SP1: variants seen among roughly 807,000 people sequenced by gnomAD.
The protein encoded by SP1 is Sp1 transcription factor, also known as transcription factor Sp1.
A neutral mutation model predicts 66.3 loss-of-function variants in SP1; 6 were observed. The ratio of observed to expected loss-of-function variants is 0.09; its 90% CI spans 0.05 to 0.18. The LOEUF (loss-of-function observed/expected upper bound fraction) is 0.18. SP1 is among the 10% of genes least tolerant of loss of function. SP1 has a pLI of 1.00. For missense variants in SP1, 848 were observed against 964.5 expected, an observed-to-expected ratio of 0.88 and a Z score of 1.60; for synonymous variants, 417 against 360.8, an observed-to-expected ratio of 1.16 and a Z score of -1.77.
At chr12:53,404,041 G>A (rs371938112) in intron 3 of SP1, among the ~76,000 whole-genome samples, 2 of 151,808 alleles carry the variant, frequency 1.3e-5, no homozygotes, top group East Asian at 3.9e-4. Flanking sequence ...CGTGGTGACG[G>A]GCGCCTGTAG....
rs1448964363 is a variant in SP1 at position 53,415,145 on chromosome 12, T to C, written c.*3905T>C. ...GGCACTTCTCCAACCCCGGAAAACA[T>C]TGCTTTTGAAAACTGCTGATAAAAT... On this transcript the variant is annotated 3_prime_UTR_variant, in exon 6 of 6. Coordinates refer to ENST00000327443, the MANE Select transcript of SP1 (RefSeq NM_138473.3). 6.6e-6 allele frequency: 1 copy of C among 152,504 alleles called. No individual in the cohort carries two copies. Among genetic ancestry groups the C allele is most frequent in the Non-Finnish European group, 1.5e-5 (1 of 68,034 alleles). The allele number at this position is 152,504 out of a possible 1,614,324, so 9.4% of individuals were successfully genotyped here.
Position 53,382,134 on chromosome 12 carries a change from C to T in SP1, c.187C>T (p.Leu63=), listed in dbSNP as rs1391348277. 1 of 1,614,154 alleles carries T rather than the reference C, an allele frequency of 6.2e-7. No homozygotes were observed. The highest frequency in any genetic ancestry group is 8.5e-7 in the Non-Finnish European group (1 of 1,180,018). The change falls in exon 3 of 6, where the codon CTG becomes TTG. Residue 63 remains leucine (L), a synonymous_variant. Coordinates refer to ENST00000327443, the MANE Select transcript of SP1 (RefSeq NM_138473.3). ...GQESQPSPLA[L]LAATCSRIES... ...GGAGTCCCAGCCATCCCCTTTGGCT[C>T]TGCTGGCAGCAACTTGCAGCAGAAT...
chr12:53,392,846 A>G (rs1282558830), intron 3 of SP1, among the ~76,000 whole-genome samples: 1 of 149,678 alleles, frequency 6.7e-6, no homozygotes, highest in Non-Finnish European at 1.5e-5. Flanking sequence ...TTTTTTTGAG[A>G]TAAGGTCTCT....
In SP1 at chr12:53,381,706, A is replaced by G; in HGVS notation, c.55A>G (p.Lys19Glu). 1 of 1,614,024 alleles carries G rather than the reference A, an allele frequency of 6.2e-7. No homozygotes were observed. Among genetic ancestry groups the G allele is most frequent in the Non-Finnish European group, 8.5e-7 (1 of 1,179,956 alleles). Residue 19 changes from lysine to glutamate, a missense_variant, in exon 2 of 6, where the codon AAA becomes GAA. This residue lies in a region of SP1 where 84 missense variants were observed against 73.9 expected (regional missense o/e 1.14). Coordinates refer to ENST00000327443, the MANE Select transcript of SP1 (RefSeq NM_138473.3). Reference protein sequence around the residue: ...DEMTAVVKIEKGVGGNNGGNG... With the variant: ...DEMTAVVKIEEGVGGNNGGNG... ...AATGACAGCTGTGGTGAAAATTGAAAAAGGAGTTGGTGGCAATAATGGGGG... is the reference window on the plus strand; with the variant it reads ...AATGACAGCTGTGGTGAAAATTGAAGAAGGAGTTGGTGGCAATAATGGGGG...
chr12:53,384,285 C>CT (rs1938177825), intron 3 of SP1, among the ~76,000 whole-genome samples: 1 of 138,290 alleles, frequency 7.2e-6, no homozygotes, highest in African/African-American at 2.7e-5. Context: ...TCTTTTTTTT[C>CT]TTTTTTCTTT....
At chr12:53,389,662 T>TC (rs1240465308) in intron 3 of SP1, among the ~76,000 whole-genome samples, 1 of 152,106 alleles carries the variant, frequency 6.6e-6, no homozygotes, top group Non-Finnish European at 1.5e-5. Flanking sequence ...GCTTTTCCTT[T>TC]CATTTTGTAG....
At chr12:53,409,845 TAAA>T in intron 5 of SP1, among the ~76,000 whole-genome samples, 2 of 151,836 alleles carry the variant, frequency 1.3e-5, no homozygotes, top group Middle Eastern at 3.4e-3. Context: ...CCGTCTCTAC[TAAA>T]TATACAAAAA....
chr12:53,404,634 A>G (rs1938689212), intron 3 of SP1, among the ~76,000 whole-genome samples: 1 of 152,046 alleles, frequency 6.6e-6, no homozygotes, highest in Non-Finnish European at 1.5e-5. Context: ...CTGAGTCATG[A>G]TGAGAGTCTA....
At chr12:53,408,953 G>A (rs1938818502) in intron 4 of SP1, among the ~76,000 whole-genome samples, 1 of 151,982 alleles carries the variant, frequency 6.6e-6, no homozygotes, top group Non-Finnish European at 1.5e-5. Flanking sequence ...CAGTGCAGTG[G>A]CTCACGCCTG....
intron 3 of SP1, among the ~76,000 whole-genome samples, chr12:53,393,058 C>T (rs1011047907): frequency 1.3e-5 from 2 of 149,866 alleles, no homozygotes; most frequent in African/African-American, 2.5e-5. Flanking sequence ...CTCCTGACCT[C>T]GTGATCTGCC....
intron 1 of SP1, chr12:53,380,504 C>T (rs1938059889): frequency 1.4e-5 from 6 of 417,488 alleles, no homozygotes; most frequent in Non-Finnish European, 2.1e-5. Context: ...CCGCCCGCCC[C>T]GGGGGAGGGG....
At chr12:53,404,206 A>G (rs886773996) in intron 3 of SP1, among the ~76,000 whole-genome samples, 5 of 150,382 alleles carry the variant, frequency 3.3e-5, no homozygotes, top group Non-Finnish European at 5.9e-5. Flanking sequence ...TGAGAAGAAT[A>G]TTATCTGCCA....
rs775926109 is a variant in SP1 at position 53,381,704 on chromosome 12, A to T, written c.53A>T (p.Glu18Val). ...MDEMTAVVKI[E>V]KGVGGNNGGN... Reference sequence around the variant, plus strand: ...GAAATGACAGCTGTGGTGAAAATTGAAAAAGGAGTTGGTGGCAATAATGGG... The same window carrying T: ...GAAATGACAGCTGTGGTGAAAATTGTAAAAGGAGTTGGTGGCAATAATGGG... The change falls in exon 2 of 6, where the codon GAA (glutamate) becomes GTA (valine). Residue 18 changes from glutamate (E) to valine (V), a missense_variant. Around this residue, in one of 7 missense-constraint regions of SP1, gnomAD observed 84 missense variants for 73.9 expected, o/e 1.14. Transcript: ENST00000327443. The T allele has an allele frequency of 1.9e-6, 3 of 1,613,600 alleles. No individual in the cohort carries two copies. The South Asian group carries it at 3.3e-5, about 18-fold the overall frequency.
intron 3 of SP1, among the ~76,000 whole-genome samples, chr12:53,391,107 C>A (rs182178177): frequency 6.6e-6 from 1 of 152,122 alleles, no homozygotes; most frequent in African/African-American, 2.4e-5. Flanking sequence ...TGAGTTTTTT[C>A]ATTTTACTAT....
Position 53,380,946 on chromosome 12 carries a change from C to CTTTT in SP1, c.7+666_7+669dup, listed in dbSNP as rs35296566. ...TTTTCACACTTGGATTTTTGTTTGT[C>CTTTT]TTTTTTTTTTTTTTTTTTTTTGAGA... On this transcript the variant is annotated intron_variant, in intron 1 of 5. Transcript: ENST00000327443. Among the ~76,000 whole-genome samples, 81 of 100,798 alleles carry CTTTT rather than the reference C, an allele frequency of 8.0e-4. 2 individuals carry two copies. In the South Asian group the frequency reaches 0.011, roughly 14 times the overall value. 66.1% of individuals were successfully genotyped at this position (100,798 alleles called of 152,430 possible). A position where few individuals can be genotyped will look rare whatever the true frequency, so the allele number is the denominator to read the frequency against.
At chr12:53,384,383 C>A (rs1938179871) in intron 3 of SP1, among the ~76,000 whole-genome samples, 1 of 151,766 alleles carries the variant, frequency 6.6e-6, no homozygotes, top group African/African-American at 2.4e-5. Context: ...CTCCCGGGTT[C>A]AAGCGATTCT....
At chr12:53,384,205 G>A (rs1006592194) in intron 3 of SP1, among the ~76,000 whole-genome samples, 1 of 151,820 alleles carries the variant, frequency 6.6e-6, no homozygotes, top group African/African-American at 2.4e-5. Flanking sequence ...TCCTGACCTC[G>A]TGATCCGCCC....
chr12:53,380,528 G>A, intron 1 of SP1: 1 of 576,768 alleles, frequency 1.7e-6, no homozygotes, highest in Non-Finnish European at 2.4e-6. Context: ...GCGTGGCCTC[G>A]CCCGCCCCCT....
At chr12:53,396,893 T>G (rs1008876028) in intron 3 of SP1, among the ~76,000 whole-genome samples, 5 of 152,084 alleles carry the variant, frequency 3.3e-5, no homozygotes, top group African/African-American at 4.8e-5. Context: ...TCTCCCAGAG[T>G]GCTGGGATTA....
Sources: allele counts gnomAD v4.1 joint callset (sites outside exome capture counted in the v4.1 genomes callset), GRCh38; gene constraint gnomAD v4.1.1; regional missense constraint gnomAD v4.1.1; transcripts MANE v1.5; gene names NCBI Gene and HGNC (gene_info 2026-07-23, HGNC 2026-07-21).